The following TAF2 variants were observed in gnomAD, a reference collection of about 807,000 sequenced individuals.
TAF2 encodes the protein TATA-box binding protein associated factor 2.
In TAF2, 61 loss-of-function variants were observed where a neutral mutation model predicts 138.5. That is an observed-to-expected ratio of 0.44 (90% CI 0.36 to 0.54). The LOEUF (loss-of-function observed/expected upper bound fraction) is 0.54, where lower values mean the gene tolerates loss of function less well. TAF2 is among the 20% of genes least tolerant of loss of function. TAF2 has a pLI of 0.00. For synonymous variants in TAF2, 475 were observed against 469.9 expected, an observed-to-expected ratio of 1.01 and a Z score of -0.14; for missense variants, 1,090 against 1,427.9, an observed-to-expected ratio of 0.76 and a Z score of 3.81.
intron 2 of TAF2, among the ~76,000 whole-genome samples, chr8:119,827,427 G>A (rs1826170815): frequency 6.6e-6 from 1 of 152,174 alleles, no homozygotes; most frequent in South Asian, 2.1e-4. Flanking sequence ...ACCCCAAAGT[G>A]CATGGAATGT....
intron 22 of TAF2, among the ~76,000 whole-genome samples, chr8:119,748,217 T>C (rs1820114825): frequency 6.6e-6 from 1 of 151,642 alleles, no homozygotes. Context: ...TTCAAAAGAG[T>C]ACCACATTTA....
Position 119,801,460 on chromosome 8 carries a change from G to A in TAF2, c.792+334C>T, listed in dbSNP as rs188018901. 3.3e-3 allele frequency among the ~76,000 whole-genome samples: 478 copies of A among 142,878 alleles called. 9 individuals carry two copies. The highest frequency in any genetic ancestry group is 0.017 in the Admixed American group (237 of 13,892). The allele number at this position is 142,878 out of a possible 152,430, so 93.7% of individuals were successfully genotyped here. On this transcript the variant is annotated intron_variant, in intron 6 of 25. Transcript: ENST00000378164. The stretch of plus-strand genomic sequence containing the variant: ...CTTTTTTTTTTTTTTTTGAGATGTC[G>A]CTCTGTCATCAAGGCTGGAGTGCAG...
At chr8:119,831,194 T>C (rs57509532) in intron 2 of TAF2, among the ~76,000 whole-genome samples, 173 of 152,250 alleles carry the variant, frequency 1.1e-3, no homozygotes, top group African/African-American at 3.9e-3. Context: ...CTAAATTGTG[T>C]CGGGAGGCAG....
chr8:119,829,391 C>T (rs527342138), intron 2 of TAF2, among the ~76,000 whole-genome samples: 6 of 152,228 alleles, frequency 3.9e-5, no homozygotes, highest in African/African-American at 1.4e-4. Flanking sequence ...AGTAACTTCC[C>T]CTTCCCGTTG....
chr8:119,742,454 A>G, intron 25 of TAF2, 80 bp downstream of exon 25: 4 of 1,548,642 alleles, frequency 2.6e-6, no homozygotes, highest in Non-Finnish European at 3.5e-6. Flanking sequence ...AGGGTTTTTT[A>G]AAGTTGATGA....
At chr8:119,741,384 T>G (rs1271598491) in intron 25 of TAF2, among the ~76,000 whole-genome samples, 2 of 152,198 alleles carry the variant, frequency 1.3e-5, no homozygotes, top group Admixed American at 1.3e-4. Context: ...TTTAAAAATG[T>G]AGAAAATTAT....
At chr8:119,762,826 C>T in intron 18 of TAF2, 1 of 395,798 alleles carries the variant, frequency 2.5e-6, no homozygotes, top group Non-Finnish European at 4.5e-6. Context: ...TGATGGAAAA[C>T]TAATGATAGA....
At chr8:119,790,223 C>A (rs914626390) in intron 11 of TAF2, among the ~76,000 whole-genome samples, 4 of 151,960 alleles carry the variant, frequency 2.6e-5, no homozygotes, top group African/African-American at 9.7e-5. Context: ...GTAGCTTGAG[C>A]CCAGGAGTTT....
chr8:119,758,058 A>T lies in TAF2; in HGVS notation c.2768+15T>A. The T allele has an allele frequency of 1.2e-6, 2 of 1,607,310 alleles. No individual in the cohort carries two copies. Among genetic ancestry groups the T allele is most frequent in the Non-Finnish European group, 1.7e-6 (2 of 1,174,182 alleles). On this transcript the variant is annotated intron_variant, in intron 21 of 25. Coordinates refer to ENST00000378164, the MANE Select transcript of TAF2 (RefSeq NM_003184.4). ...GACTTACAAAATATCATAGCATCAT[A>T]GCACATAAACTAACCTTACATAGGG... is the stretch of plus-strand genomic sequence containing the variant.
intron 11 of TAF2, among the ~76,000 whole-genome samples, chr8:119,790,367 G>A (rs1397202532): frequency 6.6e-6 from 1 of 151,986 alleles, no homozygotes; most frequent in Admixed American, 6.6e-5. Context: ...TTGAGCCTGG[G>A]AGGTCAAGGC....
chr8:119,764,381 C>T (rs563997733), intron 18 of TAF2, among the ~76,000 whole-genome samples: 1 of 152,080 alleles, frequency 6.6e-6, no homozygotes, highest in African/African-American at 2.4e-5. Context: ...ACTGATTAGC[C>T]TTCTTTTCAA....
intron 18 of TAF2, among the ~76,000 whole-genome samples, chr8:119,763,132 C>T (rs183123873): frequency 2.0e-4 from 31 of 152,224 alleles, no homozygotes; most frequent in African/African-American, 5.3e-4. Context: ...ACTATCTGCC[C>T]GCTATTGACT....
intron 3 of TAF2, among the ~76,000 whole-genome samples, chr8:119,810,493 C>G (rs1350490413): frequency 1.3e-5 from 2 of 152,150 alleles, no homozygotes; most frequent in Non-Finnish European, 2.9e-5. Flanking sequence ...AGCTTCATCT[C>G]TGTAGTACAA....
chr8:119,831,724 G>C lies in TAF2; in HGVS notation c.91C>G (p.Gln31Glu), dbSNP rs1826457127. Residue 31 changes from glutamine (Q) to glutamate (E), a missense_variant, in exon 2 of 26, where the codon CAG (glutamine) becomes GAG (glutamate). Coordinates refer to ENST00000378164, the MANE Select transcript of TAF2 (RefSeq NM_003184.4). ...TTTATGTTGTTGATGCAGACGACCT[G>C]ATGGGTTGTATATTAATAAATATAA... ...ESPRPYKLTHQVVCINNINFQ... is the reference protein window; with the variant it reads ...ESPRPYKLTHEVVCINNINFQ... 6.3e-7 allele frequency: 1 copy of C among 1,598,800 alleles called. No homozygotes were observed. Among genetic ancestry groups the C allele is most frequent in the Non-Finnish European group, 8.5e-7 (1 of 1,170,034 alleles).
intron 20 of TAF2, 99 bp downstream of exon 20, chr8:119,760,500 A>G: frequency 7.8e-7 from 1 of 1,286,138 alleles, no homozygotes; most frequent in Non-Finnish European, 1.1e-6. Flanking sequence ...AAATTAAAAT[A>G]TCTGTGTTAT....
chr8:119,756,354 T>C (rs1382151239), intron 21 of TAF2, among the ~76,000 whole-genome samples: 1 of 151,622 alleles, frequency 6.6e-6, no homozygotes, highest in Non-Finnish European at 1.5e-5. Flanking sequence ...AGAGAGTAAT[T>C]AAAAAAAAAT....
At chr8:119,778,266 C>T (rs1198559214) in intron 17 of TAF2, 137 bp from the exon 18 acceptor site, 2 of 583,066 alleles carry the variant, frequency 3.4e-6, no homozygotes, top group Non-Finnish European at 6.1e-6. Flanking sequence ...CTCCACACCC[C>T]AACCCCTCCC....
At chr8:119,757,872 G>A (rs1820804524) in intron 21 of TAF2, among the ~76,000 whole-genome samples, 1 of 151,860 alleles carries the variant, frequency 6.6e-6, no homozygotes, top group Admixed American at 6.6e-5. Flanking sequence ...CTCCAGCCTG[G>A]GCCACAGAGT....
rs182845064 is a variant in TAF2 at position 119,826,111 on chromosome 8, C to T, written c.138+5566G>A. Among the ~76,000 whole-genome samples, 1,142 of 151,760 alleles carry T rather than the reference C, an allele frequency of 7.5e-3. 17 individuals are homozygous for T. The highest frequency in any genetic ancestry group is 0.026 in the African/African-American group (1,081 of 41,358). On this transcript the variant is annotated intron_variant, in intron 2 of 25. Transcript: ENST00000378164. ...GAACATCAAACACCAGGGCCCGTTG[C>T]GGGGTGGGGGACTAGGGGAGGGATA...
Sources: allele counts gnomAD v4.1 joint callset (sites outside exome capture counted in the v4.1 genomes callset), GRCh38; gene constraint gnomAD v4.1.1; transcripts MANE v1.5; gene names NCBI Gene and HGNC (gene_info 2026-07-23, HGNC 2026-07-21).